PEX5L: variants seen among roughly 807,000 people sequenced by gnomAD.
PEX5L encodes the protein peroxisomal biogenesis factor 5 like.
PEX5L carries 30 observed loss-of-function variants against 84.0 expected under a neutral mutation model. The ratio of observed to expected loss-of-function variants is 0.36; its 90% CI spans 0.27 to 0.48. The LOEUF is 0.48. PEX5L is among the 20% of genes least tolerant of loss of function. The probability of loss-of-function intolerance (pLI) is 0.99; values close to 1 mark genes in which losing one functional copy is unlikely to be tolerated. For missense variants in PEX5L, 533 were observed against 754.6 expected, an observed-to-expected ratio of 0.71 and a Z score of 3.44; for synonymous variants, 270 against 283.1, an observed-to-expected ratio of 0.95 and a Z score of 0.46.
intron 10 of PEX5L, among the ~76,000 whole-genome samples, chr3:179,815,589 A>G (rs1156723237): frequency 1.3e-5 from 2 of 152,228 alleles, no homozygotes; most frequent in African/African-American, 4.8e-5. Flanking sequence ...GTCTCAAAAA[A>G]AGAAAACTAC....
chr3:179,909,549 A>G (rs1419966855), intron 2 of PEX5L, among the ~76,000 whole-genome samples: 3 of 152,202 alleles, frequency 2.0e-5, no homozygotes, highest in African/African-American at 7.2e-5. Flanking sequence ...GAATGTAGCC[A>G]CAAGCAGATA....
At chr3:179,825,981 C>T (rs1375259766) in intron 8 of PEX5L, among the ~76,000 whole-genome samples, 3 of 152,166 alleles carry the variant, frequency 2.0e-5, no homozygotes, top group East Asian at 1.9e-4. Context: ...AATATTGGTA[C>T]TAGCACTCAG....
chr3:179,981,023 C>CAA (rs4041253), intron 1 of PEX5L, among the ~76,000 whole-genome samples: 8 of 136,000 alleles, frequency 5.9e-5, no homozygotes, highest in African/African-American at 8.1e-5. Flanking sequence ...GACTCCTTCT[C>CAA]AAAAAAAAAA....
chr3:179,957,838 T>C (rs1780967848), intron 2 of PEX5L, among the ~76,000 whole-genome samples: 1 of 152,350 alleles, frequency 6.6e-6, no homozygotes, highest in Non-Finnish European at 1.5e-5. Flanking sequence ...TTATTGGTTA[T>C]ATTACAGGGC....
At chr3:180,030,539 C>G (rs1360873874) in intron 1 of PEX5L, among the ~76,000 whole-genome samples, 2 of 152,136 alleles carry the variant, frequency 1.3e-5, no homozygotes, top group East Asian at 3.9e-4. Flanking sequence ...CTTTACTTTC[C>G]CAGCCAATAT....
At chr3:179,941,268 A>G (rs1285522578) in intron 2 of PEX5L, among the ~76,000 whole-genome samples, 1 of 152,240 alleles carries the variant, frequency 6.6e-6, no homozygotes, top group Non-Finnish European at 1.5e-5. Context: ...TTATACGTTC[A>G]CATTGTTGTG....
intron 1 of PEX5L, among the ~76,000 whole-genome samples, chr3:179,977,154 AT>A (rs936534939): frequency 1.3e-5 from 2 of 152,114 alleles, no homozygotes; most frequent in African/African-American, 4.8e-5. Context: ...ACAATAATGA[AT>A]TTTTTTATAA....
chr3:179,968,899 G>A (rs923031205), intron 2 of PEX5L, among the ~76,000 whole-genome samples: 4 of 151,964 alleles, frequency 2.6e-5, no homozygotes, highest in African/African-American at 7.3e-5. Flanking sequence ...ACACATTTCC[G>A]AAATACACTT....
rs2076882899 is a variant in PEX5L, at chr3:180,030,674, T to C, written c.21+5905A>G. Among the ~76,000 whole-genome samples the C allele has an allele frequency of 1.3e-5, 2 of 152,174 alleles. 1 individual carries two copies. Among genetic ancestry groups the C allele is most frequent in the South Asian group, 4.1e-4 (2 of 4,830 alleles). On this transcript the variant is annotated intron_variant, in intron 1 of 14. Transcript: ENST00000467460. ...AGTGGGGATTTTGTGACTCCCTAGGTAGATTTCTGGCATCACAACAACACC... is the reference window on the plus strand; with the variant it reads ...AGTGGGGATTTTGTGACTCCCTAGGCAGATTTCTGGCATCACAACAACACC...
intron 1 of PEX5L, among the ~76,000 whole-genome samples, chr3:180,016,343 A>AT (rs1355857442): frequency 6.6e-6 from 1 of 152,162 alleles, no homozygotes; most frequent in Admixed American, 6.5e-5. Flanking sequence ...GCTATGAAAT[A>AT]TTTTTATATA....
chr3:179,809,381 T>C (rs1722822867), intron 12 of PEX5L, 90 bp downstream of exon 12: 2 of 916,016 alleles, frequency 2.2e-6, no homozygotes, highest in African/African-American at 1.6e-5. Flanking sequence ...GTGGGTGGTG[T>C]CTAGGGTGTG....
intron 1 of PEX5L, among the ~76,000 whole-genome samples, chr3:179,986,451 G>A (rs377128583): frequency 2.2e-4 from 31 of 141,644 alleles, no homozygotes; most frequent in African/African-American, 7.6e-4. Context: ...CACCCAGGCT[G>A]GAGTGCAGTG....
intron 2 of PEX5L, among the ~76,000 whole-genome samples, chr3:179,968,247 T>G (rs1783852152): frequency 6.6e-6 from 1 of 152,152 alleles, no homozygotes; most frequent in African/African-American, 2.4e-5. Context: ...AACCTTGAGT[T>G]AAGTTGGCTC....
intron 1 of PEX5L, among the ~76,000 whole-genome samples, chr3:179,990,832 C>T (rs1787315607): frequency 6.6e-6 from 1 of 152,112 alleles, no homozygotes; most frequent in African/African-American, 2.4e-5. Context: ...GAGGTAAGTA[C>T]TCTTATTATT....
In PEX5L at chr3:180,003,346, A is replaced by C. The variant is rs190520764; in HGVS notation, c.22-31681T>G. Among the ~76,000 whole-genome samples the C allele has an allele frequency of 3.0e-3, 450 of 152,220 alleles. 2 individuals carry two copies. The highest frequency in any genetic ancestry group is 0.01 in the African/African-American group (427 of 41,570). Reference sequence around the variant, plus strand: ...GAGTGAGGAGCATATTAGGTTTTGTAAAAGACTGTCTAATTTATGTGGGCT... The same window carrying C: ...GAGTGAGGAGCATATTAGGTTTTGTCAAAGACTGTCTAATTTATGTGGGCT... On this transcript the variant is annotated intron_variant, in intron 1 of 14. Coordinates refer to ENST00000467460, the MANE Select transcript of PEX5L (RefSeq NM_016559.3).
At chr3:179,807,886 C>A in intron 13 of PEX5L, 55 bp from the exon 14 acceptor site, 1 of 1,497,030 alleles carries the variant, frequency 6.7e-7, no homozygotes, top group Non-Finnish European at 9.2e-7. Context: ...AATGACAGAG[C>A]ATTCCTGTAT....
At chr3:179,989,305 A>T (rs1407085336) in intron 1 of PEX5L, among the ~76,000 whole-genome samples, 1 of 152,202 alleles carries the variant, frequency 6.6e-6, no homozygotes, top group Non-Finnish European at 1.5e-5. Context: ...TCTACTAATG[A>T]TTGACTGTTT....
chr3:179,898,143 T>C lies in PEX5L; in HGVS notation c.197A>G (p.Gln66Arg), dbSNP rs1759996387. The change falls in exon 3 of 15, where the codon CAG becomes CGG. Residue 66 changes from glutamine to arginine, a missense_variant and splice_region_variant. Transcript: ENST00000467460. ...EEKPLLTMTS[Q>R]LVNEQQESRP... is the part of the protein sequence containing the mutation. ...CAGAAACCCTATGGGTCTGCCCACC[T>C]GTGATGTCATAGTAAGGAGGGGCTT... The C allele has an allele frequency of 6.3e-7, 1 of 1,599,418 alleles. No individual in the cohort carries two copies.
rs568586727 is a variant in PEX5L at position 179,797,605 on chromosome 3, A to AATATATATATATATATATATAT, written c.*4201_*4222dup. 2 of 89,174 alleles carry AATATATATATATATATATATAT rather than the reference A, an allele frequency of 2.2e-5. No individual in the cohort carries two copies. Among genetic ancestry groups the AATATATATATATATATATATAT allele is most frequent in the African/African-American group, 9.0e-5 (2 of 22,200 alleles). The allele number at this position is 89,174 out of a possible 1,614,324, so 5.5% of individuals were successfully genotyped here. On this transcript the variant is annotated 3_prime_UTR_variant, in exon 15 of 15. Transcript: ENST00000467460. ...AACACTCTTTAAAAAAAAAAAAAAA[A>AATATATATATATATATATATAT]ATATATATATATATATATATATATA...
Sources: allele counts gnomAD v4.1 joint callset (sites outside exome capture counted in the v4.1 genomes callset), GRCh38; gene constraint gnomAD v4.1.1; transcripts MANE v1.5; gene names NCBI Gene and HGNC (gene_info 2026-07-23, HGNC 2026-07-21).